CMIP: variants seen among roughly 807,000 people sequenced by gnomAD.
CMIP encodes the protein C-Maf-inducing protein.
CMIP carries 13 observed loss-of-function variants against 97.3 expected under a neutral mutation model. The observed-to-expected ratio is 0.13, with a 90% confidence interval of 0.09 to 0.21. The LOEUF is 0.21. Among genes scored for constraint, CMIP ranks in the 10% least tolerant of loss-of-function variants. The pLI, the probability that CMIP is intolerant of heterozygous loss-of-function variation, is 1.00. For missense variants in CMIP, 847 were observed against 1,024.9 expected (o/e 0.83, Z 2.37); for synonymous variants, 538 against 436.3 (o/e 1.23, Z -2.91).
intron 3 of CMIP, among the ~76,000 whole-genome samples, chr16:81,623,365 A>C (rs1343081526): frequency 6.6e-6 from 1 of 152,242 alleles, no homozygotes; most frequent in South Asian, 2.1e-4. Context: ...AATTTAATCA[A>C]GCAGTTTAAA....
intron 1 of CMIP, among the ~76,000 whole-genome samples, chr16:81,524,170 T>A (rs1404173407): frequency 6.6e-6 from 1 of 152,222 alleles, no homozygotes; most frequent in Non-Finnish European, 1.5e-5. Context: ...GACCCTGTAA[T>A]GCCACGATCC....
Position 81,560,507 on chromosome 16 carries a change from T to C in CMIP, c.301-47060T>C, listed in dbSNP as rs553637573. On this transcript the variant is annotated intron_variant, in intron 1 of 20. Coordinates refer to ENST00000537098, the MANE Select transcript of CMIP (RefSeq NM_198390.3). ...TGCTGGGATTACAGGCGTGAGCCACTGCGCCCAGCCAGAAAAACAATTTTT... is the reference window on the plus strand; with the variant it reads ...TGCTGGGATTACAGGCGTGAGCCACCGCGCCCAGCCAGAAAAACAATTTTT... 6.6e-5 allele frequency among the ~76,000 whole-genome samples: 10 copies of C among 152,282 alleles called. No homozygotes were observed. The East Asian group carries it at 1.2e-3, about 18-fold the overall frequency.
chr16:81,444,839 C>G lies in CMIP; in HGVS notation c.-403C>G, dbSNP rs1175466255. Among the ~76,000 whole-genome samples the G allele has an allele frequency of 1.4e-5, 2 of 144,848 alleles. 1 individual carries two copies. Among genetic ancestry groups the G allele is most frequent in the South Asian group, 4.2e-4 (2 of 4,778 alleles). On this transcript the variant is annotated 5_prime_UTR_variant, in exon 1 of 21. Transcript: ENST00000537098. The stretch of plus-strand genomic sequence containing the variant: ...GCCCGGACGGCCGCGCGGACACACG[C>G]TCTGTACACACGCGCGCGGCGGCGC...
At chr16:81,696,501 G>A in intron 13 of CMIP, 59 bp from the exon 14 acceptor site, 1 of 1,512,452 alleles carries the variant, frequency 6.6e-7, no homozygotes, top group Admixed American at 1.9e-5. Context: ...GCAGATCATG[G>A]TCGCCCTTGT....
chr16:81,639,918 A>G (rs1240343123), intron 3 of CMIP, among the ~76,000 whole-genome samples: 1 of 152,164 alleles, frequency 6.6e-6, no homozygotes, highest in African/African-American at 2.4e-5. Context: ...CACAGGGCCC[A>G]GTACATAGGA....
chr16:81,542,580 A>G (rs921158263), intron 1 of CMIP, among the ~76,000 whole-genome samples: 3 of 152,112 alleles, frequency 2.0e-5, no homozygotes, highest in Non-Finnish European at 4.4e-5. Context: ...AACACCATAG[A>G]CTGGGTGGCT....
chr16:81,615,044 A>G (rs1161971845), intron 2 of CMIP, among the ~76,000 whole-genome samples: 1 of 117,634 alleles, frequency 8.5e-6, no homozygotes, highest in Non-Finnish European at 1.8e-5. Context: ...GTGCATGTGT[A>G]TCTGTGTGTC....
intron 1 of CMIP, among the ~76,000 whole-genome samples, chr16:81,492,927 G>A (rs2089427962): frequency 6.6e-6 from 1 of 152,114 alleles, no homozygotes; most frequent in Non-Finnish European, 1.5e-5. Flanking sequence ...AGAGAAGGGA[G>A]CGGCCGAAGA....
intron 1 of CMIP, chr16:81,464,977 G>T (rs561983135): frequency 2.0e-5 from 3 of 152,352 alleles, no homozygotes; most frequent in African/African-American, 7.2e-5. Flanking sequence ...CACTTGAGTT[G>T]TTCCCTTGTT....
chr16:81,482,853 A>G (rs903829947), intron 1 of CMIP, among the ~76,000 whole-genome samples: 2 of 152,242 alleles, frequency 1.3e-5, no homozygotes, highest in Admixed American at 1.3e-4. Flanking sequence ...TCACAGGGTC[A>G]GCCCTGGGGT....
intron 1 of CMIP, 123 bp downstream of exon 1, chr16:81,445,664 G>T: frequency 9.1e-6 from 10 of 1,099,464 alleles, no homozygotes; most frequent in Non-Finnish European, 1.3e-5. Flanking sequence ...GGTGCCGGGG[G>T]AACGGGGAGA....
chr16:81,538,981 C>A (rs573153556), intron 1 of CMIP, among the ~76,000 whole-genome samples: 1 of 152,296 alleles, frequency 6.6e-6, no homozygotes, highest in Admixed American at 6.5e-5. Context: ...TACAAGTTCA[C>A]TGTGGGTCAG....
Position 81,563,381 on chromosome 16 carries a change from G to T in CMIP, c.301-44186G>T, listed in dbSNP as rs3865192. Among the ~76,000 whole-genome samples, 1,216 of 152,308 alleles carry T rather than the reference G, an allele frequency of 8.0e-3. 24 individuals are homozygous for T. Among genetic ancestry groups the T allele is most frequent in the African/African-American group, 0.028 (1,169 of 41,552 alleles). ...ACTCCAGGCAAGTCACAAACTCTGC[G>T]CGCTGCTGCGGTTTCCTTCCTGGTA... On this transcript the variant is annotated intron_variant, in intron 1 of 20. Coordinates refer to ENST00000537098, the MANE Select transcript of CMIP (RefSeq NM_198390.3).
At chr16:81,698,691 A>G (rs1820232) in intron 14 of CMIP, among the ~76,000 whole-genome samples, 15,484 of 152,218 alleles carry the variant, frequency 0.1, 878 homozygotes, top group Non-Finnish European at 0.12. Flanking sequence ...TAACACAACC[A>G]TCACCACCGT....
chr16:81,527,184 T>C (rs2090149029), intron 1 of CMIP, among the ~76,000 whole-genome samples: 1 of 152,158 alleles, frequency 6.6e-6, no homozygotes, highest in Non-Finnish European at 1.5e-5. Flanking sequence ...GGGTGCTGGG[T>C]AACAAGACGA....
chr16:81,666,109 T>G (rs1490703299), intron 7 of CMIP: 1 of 152,200 alleles, frequency 6.6e-6, no homozygotes, highest in Admixed American at 6.5e-5. Context: ...CTGCCTTAAT[T>G]TGGGCGCTCA....
rs138961479 is a variant in CMIP at position 81,645,313 on chromosome 16, C to T, written c.478-6890C>T. ...CAGTGCCATGGGCGCGCCCGTGCAG[C>T]GTCCTCTCTTCACGACAGGTGGTGG... On this transcript the variant is annotated intron_variant, in intron 3 of 20. Coordinates refer to ENST00000537098, the MANE Select transcript of CMIP (RefSeq NM_198390.3). The T allele has an allele frequency of 2.6e-4, 322 of 1,259,548 alleles. 1 individual carries two copies. The African/African-American group carries it at 4.0e-3, about 15-fold the overall frequency. 78.0% of individuals were successfully genotyped at this position (1,259,548 alleles called of 1,614,324 possible).
chr16:81,532,012 C>G (rs2090246295), intron 1 of CMIP, among the ~76,000 whole-genome samples: 1 of 152,218 alleles, frequency 6.6e-6, no homozygotes, highest in South Asian at 2.1e-4. Context: ...TTTCATGGCG[C>G]TTCTTCTGGA....
At position 81,702,561 on chromosome 16, in the gene CMIP, G is replaced by A. The variant is rs1907539567; in HGVS notation, c.1897-61G>A. 6 of 1,488,510 alleles carry A rather than the reference G, an allele frequency of 4.0e-6. No homozygotes were observed. In the South Asian group the frequency reaches 5.9e-5, roughly 15 times the overall value. The allele number at this position is 1,488,510 out of a possible 1,614,324, so 92.2% of individuals were successfully genotyped here. A position where few individuals can be genotyped will look rare whatever the true frequency, so the allele number is the denominator to read the frequency against. On this transcript the variant is annotated intron_variant, in intron 16 of 20. Transcript: ENST00000537098. ...TCCATGAGTGTTGTTAACAGAGGTG[G>A]AAGTCTAGAATGGAAACTTGGGGAA... is the stretch of plus-strand genomic sequence containing the variant.
Sources: allele counts gnomAD v4.1 joint callset (sites outside exome capture counted in the v4.1 genomes callset), GRCh38; gene constraint gnomAD v4.1.1; transcripts MANE v1.5; gene names NCBI Gene and HGNC (gene_info 2026-07-23, HGNC 2026-07-21).